KCND2: variants seen among roughly 807,000 people sequenced by gnomAD.
KCND2 encodes A-type voltage-gated potassium channel KCND2.
In KCND2, 16 loss-of-function variants were observed where a neutral mutation model predicts 54.4. That is an observed-to-expected ratio of 0.29 (90% CI 0.20 to 0.45). The LOEUF is 0.45. Ranked by LOEUF, KCND2 falls within the 20% of genes least tolerant of loss-of-function variation. The pLI, the probability that KCND2 is intolerant of heterozygous loss-of-function variation, is 1.00. For synonymous variants in KCND2, 317 were observed against 310.7 expected (o/e 1.02, Z -0.21); for missense variants, 486 against 824.2 (o/e 0.59, Z 5.02).
At chr7:120,296,111 T>G (rs1198944671) in intron 1 of KCND2, among the ~76,000 whole-genome samples, 5 of 152,120 alleles carry the variant, frequency 3.3e-5, no homozygotes, top group Non-Finnish European at 7.4e-5. Context: ...TATTGAAAAG[T>G]TTGGCATATC....
chr7:120,591,558 C>T (rs1792671802), intron 1 of KCND2, among the ~76,000 whole-genome samples: 1 of 152,048 alleles, frequency 6.6e-6, no homozygotes, highest in African/African-American at 2.4e-5. Context: ...GTGTTTATAC[C>T]CATAATTTGA....
At chr7:120,687,840 A>G (rs1792223418) in intron 1 of KCND2, among the ~76,000 whole-genome samples, 1 of 152,220 alleles carries the variant, frequency 6.6e-6, no homozygotes, top group African/African-American at 2.4e-5. Context: ...TTAATGAAAT[A>G]GGGATTGAGA....
intron 1 of KCND2, among the ~76,000 whole-genome samples, chr7:120,529,112 A>C (rs911543997): frequency 6.6e-6 from 1 of 152,178 alleles, no homozygotes; most frequent in Non-Finnish European, 1.5e-5. Context: ...GGAAGAGTGA[A>C]TGTTTCTCTG....
intron 1 of KCND2, among the ~76,000 whole-genome samples, chr7:120,507,857 T>C (rs1285112523): frequency 6.6e-6 from 1 of 151,884 alleles, no homozygotes; most frequent in Non-Finnish European, 1.5e-5. Context: ...TGTGACTGTA[T>C]TATTTCCTAT....
At chr7:120,532,822 G>A (rs1043332592) in intron 1 of KCND2, among the ~76,000 whole-genome samples, 1 of 151,910 alleles carries the variant, frequency 6.6e-6, no homozygotes, top group Non-Finnish European at 1.5e-5. Context: ...ACTATGAATA[G>A]TCATGACAGA....
At chr7:120,471,502 T>C (rs1802453860) in intron 1 of KCND2, among the ~76,000 whole-genome samples, 1 of 152,094 alleles carries the variant, frequency 6.6e-6, no homozygotes, top group African/African-American at 2.4e-5. Context: ...TCACCTACAT[T>C]TGATATTGCA....
At chr7:120,641,006 T>C (rs1445478256) in intron 1 of KCND2, among the ~76,000 whole-genome samples, 2 of 152,220 alleles carry the variant, frequency 1.3e-5, no homozygotes, top group South Asian at 2.1e-4. Flanking sequence ...GTGTTGATGA[T>C]ATAATTTGCA....
chr7:120,480,794 A>G (rs557463296), intron 1 of KCND2, among the ~76,000 whole-genome samples: 29 of 152,334 alleles, frequency 1.9e-4, no homozygotes, highest in African/African-American at 6.5e-4. Flanking sequence ...CCAGTCTGTG[A>G]TACTCTGTTA....
chr7:120,567,981 A>G (rs558415500), intron 1 of KCND2, among the ~76,000 whole-genome samples: 1 of 152,216 alleles, frequency 6.6e-6, no homozygotes, highest in East Asian at 1.9e-4. Context: ...TTTTTGCACA[A>G]AAGATTAATT....
chr7:120,470,551 T>C (rs546457412), intron 1 of KCND2, among the ~76,000 whole-genome samples: 2 of 152,122 alleles, frequency 1.3e-5, no homozygotes, highest in Admixed American at 6.6e-5. Flanking sequence ...CCAGAGTTCC[T>C]TATTCAATTT....
chr7:120,342,552 G>A (rs1800255403), intron 1 of KCND2, among the ~76,000 whole-genome samples: 1 of 151,954 alleles, frequency 6.6e-6, no homozygotes, highest in African/African-American at 2.4e-5. Flanking sequence ...TCAATTTCTG[G>A]CTTTGTATTG....
In KCND2 at chr7:120,747,723, A is replaced by G. The variant is rs533375794; in HGVS notation, c.1758A>G (p.Leu586=). The G allele has an allele frequency of 2.5e-5, 41 of 1,612,746 alleles. No individual in the cohort carries two copies. Among genetic ancestry groups the G allele is most frequent in the Middle Eastern group, 1.7e-4 (1 of 6,054 alleles). Residue 586 remains leucine (L), a synonymous_variant, in exon 6 of 6, where the codon CTA becomes CTG. Coordinates refer to ENST00000331113, the MANE Select transcript of KCND2 (RefSeq NM_012281.3). ...CCAAAATGGAAGAGTGTGTTAAACT[A>G]AACTGTGAACAACCTTATGTGACTA... The part of the protein sequence containing the change: ...LNAKMEECVK[L]NCEQPYVTTA...
chr7:120,514,251 A>G (rs552361904), intron 1 of KCND2, among the ~76,000 whole-genome samples: 1 of 152,104 alleles, frequency 6.6e-6, no homozygotes, highest in African/African-American at 2.4e-5. Flanking sequence ...TGACCTGCCC[A>G]TATTCTTACC....
At chr7:120,542,821 A>G (rs1490084411) in intron 1 of KCND2, among the ~76,000 whole-genome samples, 3 of 152,274 alleles carry the variant, frequency 2.0e-5, no homozygotes, top group Non-Finnish European at 2.9e-5. Context: ...TTGCATTACA[A>G]TGTAGCAAAT....
At chr7:120,625,207 G>A (rs1022845040) in intron 1 of KCND2, among the ~76,000 whole-genome samples, 9 of 152,156 alleles carry the variant, frequency 5.9e-5, no homozygotes, top group Non-Finnish European at 1.3e-4. Context: ...ACTTAGATCC[G>A]ATGAAGTAGA....
intron 1 of KCND2, among the ~76,000 whole-genome samples, chr7:120,546,219 A>T (rs1472430129): frequency 6.6e-6 from 1 of 151,934 alleles, no homozygotes; most frequent in Non-Finnish European, 1.5e-5. Context: ...CAAATGTATT[A>T]ATGGGTCTCA....
chr7:120,277,475 T>A (rs1331213971), intron 1 of KCND2, among the ~76,000 whole-genome samples: 2 of 152,000 alleles, frequency 1.3e-5, no homozygotes, highest in African/African-American at 4.8e-5. Flanking sequence ...AGATTCTGTT[T>A]TAATAGGAAG....
intron 1 of KCND2, among the ~76,000 whole-genome samples, chr7:120,723,330 A>G (rs1792692065): frequency 6.6e-6 from 1 of 152,200 alleles, no homozygotes; most frequent in Non-Finnish European, 1.5e-5. Flanking sequence ...AGGTTTAACC[A>G]GAGAGGATCT....
At chr7:120,297,022 T>A (rs1396373981) in intron 1 of KCND2, among the ~76,000 whole-genome samples, 1 of 152,086 alleles carries the variant, frequency 6.6e-6, no homozygotes, top group Non-Finnish European at 1.5e-5. Flanking sequence ...TGTTTTTATT[T>A]TGTTGTTTAT....
Sources: allele counts gnomAD v4.1 joint callset (sites outside exome capture counted in the v4.1 genomes callset), GRCh38; gene constraint gnomAD v4.1.1; transcripts MANE v1.5; gene names NCBI Gene and HGNC (gene_info 2026-07-23, HGNC 2026-07-21).